TENM3: variants seen among roughly 807,000 people sequenced by gnomAD.
TENM3 encodes teneurin-3.
In TENM3, 63 loss-of-function variants were observed where a neutral mutation model predicts 255.1. The observed-to-expected ratio is 0.25, with a 90% confidence interval of 0.20 to 0.30. TENM3 has a LOEUF of 0.30. Ranked by LOEUF, TENM3 falls within the 10% of genes least tolerant of loss-of-function variation. TENM3 has a pLI of 1.00. For synonymous variants in TENM3, 1,306 were observed against 1,322.3 expected, an observed-to-expected ratio of 0.99 and a Z score of 0.27; for missense variants, 2,929 against 3,461.1, an observed-to-expected ratio of 0.85 and a Z score of 3.86.
the TENM3 span, among the ~76,000 whole-genome samples, chr4:182,101,076 A>AGGG: frequency 1.7e-3 from 18 of 10,592 alleles, no homozygotes; most frequent in South Asian, 4.7e-3. Context: ...AAAAGAAAGG[A>AGGG]AGGGAGGGAG....
chr4:182,201,073 C>T (rs1347228334), intron 1 of TENM3, among the ~76,000 whole-genome samples: 1 of 151,890 alleles, frequency 6.6e-6, no homozygotes, highest in African/African-American at 2.4e-5. Context: ...GATCCACCTG[C>T]CTTGGCCTCC....
chr4:181,961,542 C>T, the TENM3 span, among the ~76,000 whole-genome samples: 71 of 152,176 alleles, frequency 4.7e-4, no homozygotes, highest in African/African-American at 1.6e-3. Flanking sequence ...GCCTCAGCCT[C>T]CCGAGTAGCT....
chr4:182,587,098 T>A (rs147469569), intron 3 of TENM3, among the ~76,000 whole-genome samples: 6 of 70,058 alleles, frequency 8.6e-5, no homozygotes, highest in Admixed American at 1.2e-4. Context: ...TCTTTTAAAA[T>A]TTTTTTTTAA....
At chr4:181,630,612 G>A in the TENM3 span, among the ~76,000 whole-genome samples, 4 of 152,162 alleles carry the variant, frequency 2.6e-5, no homozygotes, top group African/African-American at 9.7e-5. Flanking sequence ...TAGTCATTCA[G>A]GAGCAGGTTG....
chr4:182,689,771 G>A (rs1205336511), intron 12 of TENM3, among the ~76,000 whole-genome samples: 1 of 152,226 alleles, frequency 6.6e-6, no homozygotes, highest in Non-Finnish European at 1.5e-5. Context: ...CCTGAGGCCT[G>A]TGGGCCGTAT....
chr4:182,265,520 C>T (rs1759189457), intron 1 of TENM3, among the ~76,000 whole-genome samples: 2 of 152,290 alleles, frequency 1.3e-5, no homozygotes, highest in South Asian at 4.2e-4. Context: ...CAGTGTAAAA[C>T]AGCACCCTTA....
intron 16 of TENM3, among the ~76,000 whole-genome samples, chr4:182,731,456 C>T (rs1227629003): frequency 2.6e-5 from 4 of 151,720 alleles, no homozygotes; most frequent in South Asian, 2.1e-4. Context: ...TGCAGTGAGC[C>T]GAGATCACAC....
chr4:181,979,006 AAGG>A, the TENM3 span, among the ~76,000 whole-genome samples: 1 of 148,732 alleles, frequency 6.7e-6, no homozygotes, highest in Non-Finnish European at 1.5e-5. Context: ...TTATCTGTAA[AAGG>A]AGAAATATTC....
the TENM3 span, among the ~76,000 whole-genome samples, chr4:181,619,835 C>A: frequency 6.6e-6 from 1 of 152,172 alleles, no homozygotes; most frequent in Non-Finnish European, 1.5e-5. Context: ...GAGCCCCAGG[C>A]TCCCGGAGCA....
the TENM3 span, among the ~76,000 whole-genome samples, chr4:181,900,272 T>C: frequency 2.0e-5 from 3 of 152,196 alleles, no homozygotes; most frequent in African/African-American, 7.2e-5. Context: ...GGAAAAACTT[T>C]CCATTAAGAG....
At chr4:182,633,549 G>C (rs1326838283) in intron 5 of TENM3, among the ~76,000 whole-genome samples, 2 of 152,234 alleles carry the variant, frequency 1.3e-5, no homozygotes, top group African/African-American at 2.4e-5. Flanking sequence ...CCAATGGCTA[G>C]TGAGAAAATC....
the TENM3 span, among the ~76,000 whole-genome samples, chr4:181,515,994 AT>A: frequency 6.6e-6 from 1 of 152,238 alleles, no homozygotes; most frequent in Non-Finnish European, 1.5e-5. Context: ...GTACATATGC[AT>A]CATGGAATAC....
chr4:182,556,740 G>A (rs190229166), intron 3 of TENM3, among the ~76,000 whole-genome samples: 1 of 152,240 alleles, frequency 6.6e-6, no homozygotes, highest in East Asian at 1.9e-4. Context: ...ACACTGAAAT[G>A]ACGATGACCC....
At chr4:181,453,217 A>G in the TENM3 span, among the ~76,000 whole-genome samples, 1 of 152,188 alleles carries the variant, frequency 6.6e-6, no homozygotes, top group Non-Finnish European at 1.5e-5. Flanking sequence ...ATTAACCAAG[A>G]TAGAAAACAA....
chr4:182,081,163 G>C, the TENM3 span, among the ~76,000 whole-genome samples: 6 of 152,162 alleles, frequency 3.9e-5, no homozygotes, highest in Non-Finnish European at 8.8e-5. Context: ...TTAACATAGA[G>C]TAAGCTCCTG....
At chr4:181,597,669 G>A in the TENM3 span, among the ~76,000 whole-genome samples, 2 of 151,976 alleles carry the variant, frequency 1.3e-5, no homozygotes, top group African/African-American at 2.4e-5. Context: ...CTTACCAAAG[G>A]TTCCCTCAAT....
intron 3 of TENM3, among the ~76,000 whole-genome samples, chr4:182,561,485 G>A (rs750351040): frequency 1.1e-4 from 17 of 151,032 alleles, no homozygotes; most frequent in Non-Finnish European, 3.0e-5. Context: ...TTTTCCCTGG[G>A]TAATGGATTA....
At chr4:181,873,364 C>T in the TENM3 span, among the ~76,000 whole-genome samples, 16 of 152,228 alleles carry the variant, frequency 1.1e-4, no homozygotes, top group South Asian at 1.0e-3. Context: ...CCACCACGCC[C>T]GGCCTAATAT....
intron 3 of TENM3, among the ~76,000 whole-genome samples, chr4:182,452,343 C>T (rs1474497280): frequency 6.8e-5 from 4 of 58,632 alleles, no homozygotes; most frequent in African/African-American, 1.4e-4. Flanking sequence ...GGACGGGGGG[C>T]GGGGGGGTGT....
Sources: gnomAD v4.1 joint callset for allele counts (sites outside exome capture counted in the v4.1 genomes callset) on GRCh38, gnomAD v4.1.1 for gene constraint, MANE v1.5 for transcripts, NCBI Gene and HGNC (gene_info 2026-07-23, HGNC 2026-07-21) for gene names.